The following NELL1 variants were observed in gnomAD, a reference collection of about 807,000 sequenced individuals.
NELL1 encodes the protein neural EGFL like 1, also known as protein kinase C-binding protein NELL1.
NELL1 carries 76 observed loss-of-function variants against 107.4 expected under a neutral mutation model. That is an observed-to-expected ratio of 0.71 (90% CI 0.59 to 0.86). The LOEUF (loss-of-function observed/expected upper bound fraction) is 0.86. NELL1 is among the 40% of genes least tolerant of loss of function. The pLI, the probability that NELL1 is intolerant of heterozygous loss-of-function variation, is 0.00. For missense variants in NELL1, 1,024 were observed against 1,005.5 expected, an observed-to-expected ratio of 1.02 and a Z score of -0.25; for synonymous variants, 353 against 341.2, an observed-to-expected ratio of 1.03 and a Z score of -0.38.
At chr11:20,971,773 T>A (rs1282033905) in intron 12 of NELL1, among the ~76,000 whole-genome samples, 1 of 152,188 alleles carries the variant, frequency 6.6e-6, no homozygotes, top group African/African-American at 2.4e-5. Context: ...CTAATACTTA[T>A]CTAAGTAGTC....
At chr11:20,980,309 C>T (rs931004012) in intron 12 of NELL1, among the ~76,000 whole-genome samples, 1 of 152,118 alleles carries the variant, frequency 6.6e-6, no homozygotes, top group Non-Finnish European at 1.5e-5. Flanking sequence ...CAGTAGATTT[C>T]ACAATCTTCA....
At chr11:21,203,871 C>T (rs775489684) in intron 13 of NELL1, among the ~76,000 whole-genome samples, 27 of 152,130 alleles carry the variant, frequency 1.8e-4, no homozygotes, top group Non-Finnish European at 3.4e-4. Flanking sequence ...GCTTATGAAG[C>T]TTAGTTTGGC....
intron 12 of NELL1, among the ~76,000 whole-genome samples, chr11:20,968,847 G>T (rs996168968): frequency 1.3e-5 from 2 of 152,076 alleles, no homozygotes; most frequent in Admixed American, 1.3e-4. Flanking sequence ...AAGGTTACCA[G>T]TGGGAGGTTT....
chr11:21,522,808 T>G (rs1170633047), intron 15 of NELL1, among the ~76,000 whole-genome samples: 1 of 151,808 alleles, frequency 6.6e-6, no homozygotes, highest in Admixed American at 6.6e-5. Flanking sequence ...ACATTTTCTT[T>G]ATCTTGAATC....
rs7945730 is a variant in NELL1 at position 20,865,976 on chromosome 11, C to G, written c.506+18223C>G. On this transcript the variant is annotated intron_variant, in intron 4 of 19. Transcript: ENST00000357134. ...GCTGTGTGCTCTTGGGTGTATTTCT[C>G]AACTCCCTTGAATCTTGGGTTTCTT... Among the ~76,000 whole-genome samples the G allele has an allele frequency of 8.7e-3, 1,328 of 152,286 alleles. 12 individuals are homozygous for G. The highest frequency in any genetic ancestry group is 0.03 in the African/African-American group (1,236 of 41,544).
chr11:20,718,057 A>G (rs1048830820), intron 2 of NELL1, among the ~76,000 whole-genome samples: 1 of 152,164 alleles, frequency 6.6e-6, no homozygotes, highest in Non-Finnish European at 1.5e-5. Context: ...TTATGTCCTT[A>G]TGTTCATTAC....
At chr11:21,113,184 A>G (rs1455691932) in intron 12 of NELL1, among the ~76,000 whole-genome samples, 1 of 151,910 alleles carries the variant, frequency 6.6e-6, no homozygotes, top group Non-Finnish European at 1.5e-5. Context: ...ACAAGCAGAG[A>G]GGGGCTGGAT....
intron 14 of NELL1, among the ~76,000 whole-genome samples, chr11:21,235,084 A>T (rs1412911210): frequency 6.6e-6 from 1 of 152,204 alleles, no homozygotes. Flanking sequence ...CACTCTAGAC[A>T]TAGTTTTGAA....
chr11:21,379,850 T>C (rs767184852), intron 15 of NELL1, among the ~76,000 whole-genome samples: 27 of 152,110 alleles, frequency 1.8e-4, no homozygotes, highest in Non-Finnish European at 3.8e-4. Flanking sequence ...CTTTCATATT[T>C]TATATCTTGC....
At chr11:20,799,374 G>A (rs1252283675) in intron 3 of NELL1, among the ~76,000 whole-genome samples, 1 of 152,292 alleles carries the variant, frequency 6.6e-6, no homozygotes, top group South Asian at 2.1e-4. Flanking sequence ...ATTATTTCAG[G>A]ACAACAGTTA....
chr11:21,081,195 A>G (rs1854259677), intron 12 of NELL1, among the ~76,000 whole-genome samples: 1 of 152,280 alleles, frequency 6.6e-6, no homozygotes, highest in African/African-American at 2.4e-5. Flanking sequence ...ATGTCTCAGT[A>G]GCATTTGACC....
At chr11:21,115,523 AG>A (rs1003197833) in intron 13 of NELL1, among the ~76,000 whole-genome samples, 6 of 152,056 alleles carry the variant, frequency 3.9e-5, no homozygotes, top group African/African-American at 1.2e-4. Context: ...ACCCAATAGT[AG>A]GATAGCTGAA....
chr11:20,973,140 T>C (rs11600250), intron 12 of NELL1, among the ~76,000 whole-genome samples: 26,318 of 144,104 alleles, frequency 0.18, 3,112 homozygotes, highest in African/African-American at 0.33. Context: ...CAGAGTTTTG[T>C]TCTTGTTGCC....
chr11:20,948,344 T>C (rs1340899547), intron 11 of NELL1, among the ~76,000 whole-genome samples: 1 of 152,068 alleles, frequency 6.6e-6, no homozygotes, highest in African/African-American at 2.4e-5. Flanking sequence ...TGAGCCACCA[T>C]GCCCAGCCTA....
chr11:21,024,783 T>G (rs1362224808), intron 12 of NELL1, among the ~76,000 whole-genome samples: 2 of 152,184 alleles, frequency 1.3e-5, no homozygotes, highest in African/African-American at 4.8e-5. Context: ...TTCTTATAAT[T>G]CAGACTATTC....
At chr11:21,136,338 A>C (rs1261868402) in intron 13 of NELL1, among the ~76,000 whole-genome samples, 2 of 152,218 alleles carry the variant, frequency 1.3e-5, no homozygotes, top group Non-Finnish European at 2.9e-5. Flanking sequence ...CAGGTCATGT[A>C]GGGCCATGTG....
At chr11:21,227,238 C>T (rs1857917838) in intron 13 of NELL1, among the ~76,000 whole-genome samples, 1 of 152,092 alleles carries the variant, frequency 6.6e-6, no homozygotes, top group South Asian at 2.1e-4. Context: ...TATCTTTATT[C>T]CTCTTATCTA....
intron 13 of NELL1, among the ~76,000 whole-genome samples, chr11:21,114,616 G>A (rs1480002960): frequency 1.3e-5 from 2 of 151,870 alleles, no homozygotes; most frequent in East Asian, 1.9e-4. Flanking sequence ...AAGGGCACAT[G>A]TTAGTATGTC....
intron 15 of NELL1, among the ~76,000 whole-genome samples, chr11:21,499,864 A>T (rs1046644700): frequency 2.0e-5 from 3 of 152,098 alleles, no homozygotes; most frequent in Admixed American, 2.0e-4. Flanking sequence ...CAGTCTTATT[A>T]CATTTCAAAC....
Sources: allele counts gnomAD v4.1 joint callset (sites outside exome capture counted in the v4.1 genomes callset), GRCh38; gene constraint gnomAD v4.1.1; transcripts MANE v1.5; gene names NCBI Gene and HGNC (gene_info 2026-07-23, HGNC 2026-07-21).